The following RGL1 variants were observed in gnomAD, a reference collection of about 807,000 sequenced individuals.
The protein encoded by RGL1 is ral guanine nucleotide dissociation stimulator like 1.
A neutral mutation model predicts 95.2 loss-of-function variants in RGL1; 24 were observed. The observed-to-expected ratio is 0.25, with a 90% CI of 0.18 to 0.35. The LOEUF is 0.35. Ranked by LOEUF, RGL1 falls within the 10% of genes least tolerant of loss-of-function variation. The pLI is 1.00. For missense variants in RGL1, 715 were observed against 936.3 expected, an observed-to-expected ratio of 0.76 and a Z score of 3.08; for synonymous variants, 329 against 344.9, an observed-to-expected ratio of 0.95 and a Z score of 0.51.
At chr1:183,641,294 C>A (rs1248857574) in intron 1 of RGL1, among the ~76,000 whole-genome samples, 1 of 152,196 alleles carries the variant, frequency 6.6e-6, no homozygotes, top group African/African-American at 2.4e-5. Flanking sequence ...GCCACTACCC[C>A]TAGCTAATTT....
intron 4 of RGL1, among the ~76,000 whole-genome samples, chr1:183,869,707 T>C (rs1666051026): frequency 2.0e-5 from 3 of 152,210 alleles, no homozygotes; most frequent in African/African-American, 7.2e-5. Context: ...ATGCTTCTCC[T>C]GATCATTTCT....
intron 2 of RGL1, among the ~76,000 whole-genome samples, chr1:183,772,462 T>A (rs1255039931): frequency 1.3e-5 from 2 of 152,182 alleles, no homozygotes; most frequent in African/African-American, 4.8e-5. Flanking sequence ...GAAATGACAT[T>A]TTTTAAATTT....
chr1:183,805,971 C>CTTTTTTTTTTTTTTTTTTTTTTT lies in RGL1; in HGVS notation c.28-386_28-364dup, dbSNP rs751229707. Among the ~76,000 whole-genome samples the CTTTTTTTTTTTTTTTTTTTTTTT allele has an allele frequency of 5.6e-4, 42 of 74,666 alleles. 1 individual carries two copies. The highest frequency in any genetic ancestry group is 7.2e-4 in the African/African-American group (14 of 19,494). The allele number at this position is 74,666 out of a possible 152,430, so 49.0% of individuals were successfully genotyped here. On this transcript the variant is annotated intron_variant, in intron 1 of 17. Coordinates refer to ENST00000360851, the MANE Select transcript of RGL1 (RefSeq NM_001297671.3). Reference sequence around the variant, plus strand: ...TTTCTTTTTCTTTTTCTTTTCTTTTCTTTTTTTTTTTTTTTTTTTTTTTTT... The same window carrying CTTTTTTTTTTTTTTTTTTTTTTT: ...TTTCTTTTTCTTTTTCTTTTCTTTTCTTTTTTTTTTTTTTTTTTTTTTTTTTTTTTTTTTTTTTTTTTTTTTTT...
chr1:183,740,011 A>G (rs1657191936), intron 1 of RGL1, among the ~76,000 whole-genome samples: 1 of 152,204 alleles, frequency 6.6e-6, no homozygotes, highest in African/African-American at 2.4e-5. Context: ...TCCATAATAT[A>G]CGAAGGAGAC....
At chr1:183,717,411 A>G (rs1046474767) in intron 1 of RGL1, among the ~76,000 whole-genome samples, 3 of 152,212 alleles carry the variant, frequency 2.0e-5, no homozygotes, top group Middle Eastern at 6.3e-3. Context: ...TATTTATAAT[A>G]AAAGTTTTGC....
chr1:183,700,408 A>G (rs1654518138), intron 1 of RGL1, among the ~76,000 whole-genome samples: 1 of 150,212 alleles, frequency 6.7e-6, no homozygotes, highest in Admixed American at 6.8e-5. Flanking sequence ...AGAAAAATGG[A>G]CAGAAAGCAG....
chr1:183,668,935 C>CTTTTTTTTTTTTTT lies in RGL1; in HGVS notation c.-33+32438_-33+32439insTTTTTTTTTTTTTT, dbSNP rs551008973. Among the ~76,000 whole-genome samples, 2 of 115,556 alleles carry CTTTTTTTTTTTTTT rather than the reference C, an allele frequency of 1.7e-5. 1 individual carries two copies. Among genetic ancestry groups the CTTTTTTTTTTTTTT allele is most frequent in the Non-Finnish European group, 3.6e-5 (2 of 55,460 alleles). 75.8% of individuals were successfully genotyped at this position (115,556 alleles called of 152,430 possible). A position where few individuals can be genotyped will look rare whatever the true frequency, so the allele number is the denominator to read the frequency against. On this transcript the variant is annotated intron_variant, in intron 1 of 18. Coordinates refer to the RGL1 transcript ENST00000304685. ...CTTTTTGCTTTTGGTATTGGACTTT[C>CTTTTTTTTTTTTTT]TTTTCTTTTTTTTTTTTTTTGAGAT...
At chr1:183,837,726 A>G (rs1200742596) in intron 2 of RGL1, among the ~76,000 whole-genome samples, 1 of 152,124 alleles carries the variant, frequency 6.6e-6, no homozygotes, top group Non-Finnish European at 1.5e-5. Flanking sequence ...GCAGTCCCCA[A>G]CCTTTTGGCA....
At chr1:183,862,367 G>A (rs1405140915) in intron 3 of RGL1, among the ~76,000 whole-genome samples, 2 of 151,274 alleles carry the variant, frequency 1.3e-5, no homozygotes, top group African/African-American at 4.9e-5. Context: ...GTTTCAATGG[G>A]AAAAGAAAAA....
intron 2 of RGL1, among the ~76,000 whole-genome samples, chr1:183,778,404 A>G (rs1659712708): frequency 6.6e-6 from 1 of 152,202 alleles, no homozygotes; most frequent in Admixed American, 6.5e-5. Flanking sequence ...GACATAAAAG[A>G]GTAGGGGTTT....
intron 16 of RGL1, 127 bp downstream of exon 16, chr1:183,916,828 A>C: frequency 9.4e-7 from 1 of 1,063,190 alleles, no homozygotes; most frequent in Non-Finnish European, 1.3e-6. Flanking sequence ...ATGCATTCAC[A>C]CAGAAGGGAT....
At chr1:183,914,858 C>T (rs1445080307) in intron 15 of RGL1, among the ~76,000 whole-genome samples, 6 of 151,880 alleles carry the variant, frequency 4.0e-5, no homozygotes, top group South Asian at 2.1e-4. Context: ...AACATGAAGG[C>T]GAAAAAATTG....
At chr1:183,729,298 G>T (rs539825732) in intron 1 of RGL1, among the ~76,000 whole-genome samples, 21 of 151,868 alleles carry the variant, frequency 1.4e-4, no homozygotes, top group Admixed American at 1.2e-3. Flanking sequence ...TCAATAAAAT[G>T]GACACATTTG....
At chr1:183,766,205 G>C (rs1482601060) in intron 2 of RGL1, among the ~76,000 whole-genome samples, 4 of 152,102 alleles carry the variant, frequency 2.6e-5, no homozygotes, top group Admixed American at 2.6e-4. Flanking sequence ...AGGAGTTCGA[G>C]ACCAGCCTGG....
At chr1:183,775,126 A>G (rs1041985938) in intron 2 of RGL1, among the ~76,000 whole-genome samples, 1 of 152,190 alleles carries the variant, frequency 6.6e-6, no homozygotes, top group African/African-American at 2.4e-5. Flanking sequence ...CCTCAGCTGC[A>G]GCACCCGATT....
chr1:183,886,709 A>G (rs1295475203), intron 7 of RGL1, among the ~76,000 whole-genome samples: 1 of 152,136 alleles, frequency 6.6e-6, no homozygotes, highest in African/African-American at 2.4e-5. Flanking sequence ...ACAATTGTGT[A>G]GGGAAATGTA....
At chr1:183,890,531 A>G (rs535376496) in intron 8 of RGL1, among the ~76,000 whole-genome samples, 136 of 152,342 alleles carry the variant, frequency 8.9e-4, no homozygotes, top group Admixed American at 1.2e-3. Context: ...ACACACTTCT[A>G]TATCAGCTTT....
At position 183,916,431 on chromosome 1, in the gene RGL1, G is replaced by A. The variant is rs368165848; in HGVS notation, c.1750-16G>A. ...GTTCTAATCTGTTTTCTTCTGGGGT[G>A]TGTTTACTCTTCCAGCTCTCTGAGT... On this transcript the variant is annotated splice_polypyrimidine_tract_variant and intron_variant, in intron 15 of 17. Transcript: ENST00000360851. 35 of 1,613,026 alleles carry A rather than the reference G, an allele frequency of 2.2e-5. No individual in the cohort carries two copies. Among genetic ancestry groups the A allele is most frequent in the Non-Finnish European group, 3.0e-5 (35 of 1,179,356 alleles).
chr1:183,792,999 G>A (rs2102382430), intron 2 of RGL1, among the ~76,000 whole-genome samples: 1 of 152,104 alleles, frequency 6.6e-6, no homozygotes, highest in South Asian at 2.1e-4. Flanking sequence ...AAAGCAAAAA[G>A]AACAAAGCTG....
Sources: gnomAD v4.1 joint callset for allele counts (sites outside exome capture counted in the v4.1 genomes callset) on GRCh38, gnomAD v4.1.1 for gene constraint, MANE v1.5 for transcripts, NCBI Gene and HGNC (gene_info 2026-07-23, HGNC 2026-07-21) for gene names.